Variants in COX7A2 observed in about 807,000 individuals in gnomAD.
The protein encoded by COX7A2 is cytochrome c oxidase subunit 7A2.
Under a neutral mutation model 11.6 loss-of-function variants are expected in COX7A2, and 11 were observed. That is an observed-to-expected ratio of 0.95 (90% confidence interval 0.60 to 1.57). The LOEUF (loss-of-function observed/expected upper bound fraction) is 1.57, where lower values mean the gene tolerates loss of function less well. Among genes scored for constraint, COX7A2 ranks in the 40% most tolerant of loss-of-function variants. COX7A2 has a pLI of 0.00. For synonymous variants in COX7A2, 30 were observed against 38.2 expected, an observed-to-expected ratio of 0.78 and a Z score of 0.79; for missense variants, 106 against 100.9, an observed-to-expected ratio of 1.05 and a Z score of -0.22.
At position 75,243,757 on chromosome 6, in the gene COX7A2, C is replaced by T. The variant is rs1771603433; in HGVS notation, c.-23G>A. 7 of 1,614,060 alleles carry T rather than the reference C, an allele frequency of 4.3e-6. No homozygotes were observed. The highest frequency in any genetic ancestry group is 5.1e-6 in the Non-Finnish European group (6 of 1,179,926). On this transcript the variant is annotated 5_prime_UTR_variant, in exon 1 of 4. Transcript: ENST00000684430. ...CATCTTGGCTGTTACTGACCAGCAA[C>T]CGCCACAACTGAACACCACCAACGA...
chr6:75,240,525 G>A (rs1377291879), intron 2 of COX7A2, 140 bp from the exon 3 acceptor site: 1 of 574,888 alleles, frequency 1.7e-6, no homozygotes, highest in African/African-American at 1.9e-5. Context: ...AAATTTAAAA[G>A]ACCTACAATT....
At chr6:75,243,674 C>T in intron 1 of COX7A2, 43 bp downstream of exon 1, 2 of 1,590,904 alleles carry the variant, frequency 1.3e-6, no homozygotes, top group Non-Finnish European at 8.6e-7. Context: ...CTCCTCTCCA[C>T]TCCCTCGCCC....
upstream of COX7A2, among the ~76,000 whole-genome samples, chr6:75,247,268 C>T: frequency 6.6e-6 from 1 of 151,992 alleles, no homozygotes; most frequent in Non-Finnish European, 1.5e-5. Context: ...GACTTTGATC[C>T]TGCCTATAGA....
At chr6:75,246,400 C>G (rs534850256), upstream of COX7A2, among the ~76,000 whole-genome samples, 9 of 152,220 alleles carry the variant, frequency 5.9e-5, no homozygotes, top group African/African-American at 1.7e-4. Flanking sequence ...TGAATTGAAC[C>G]ACTTCTCATT....
At chr6:75,239,297 A>G (rs1424043316) in intron 3 of COX7A2, among the ~76,000 whole-genome samples, 2 of 152,150 alleles carry the variant, frequency 1.3e-5, no homozygotes, top group Non-Finnish European at 2.9e-5. Flanking sequence ...TAGTGTGGAA[A>G]CTGAACTGGA....
chr6:75,247,552 T>C (rs192385726), upstream of COX7A2, among the ~76,000 whole-genome samples: 1 of 151,512 alleles, frequency 6.6e-6, no homozygotes, highest in Admixed American at 6.6e-5. Flanking sequence ...TAGTTTATTA[T>C]TAAATACTTT....
At chr6:75,242,608 G>A (rs1418266383) in intron 1 of COX7A2, among the ~76,000 whole-genome samples, 1 of 14,882 alleles carries the variant, frequency 6.7e-5, no homozygotes, top group Non-Finnish European at 1.5e-4. Flanking sequence ...GATCACTTGA[G>A]GTCGAGTCCG....
upstream of COX7A2, among the ~76,000 whole-genome samples, chr6:75,246,670 C>T (rs189430563): frequency 6.6e-6 from 1 of 152,320 alleles, no homozygotes; most frequent in East Asian, 1.9e-4. Flanking sequence ...TGAACTGTAT[C>T]CTGCACAAAA....
Position 75,241,202 on chromosome 6 carries a change from C to G in COX7A2, c.82G>C (p.Val28Leu). Residue 28 changes from valine to leucine, a missense_variant, in exon 2 of 4, where the codon GTT (valine) becomes CTT (leucine). Coordinates refer to ENST00000684430, the MANE Select transcript of COX7A2 (RefSeq NM_001366293.2). ...TASRRHFKNK[V>L]PEKQKLFQED... ...TGGAACAGTTTTTGCTTCTCCGGAACTTTATTTTTAAAATGCCTGCGGGAA... is the reference window on the plus strand; with the variant it reads ...TGGAACAGTTTTTGCTTCTCCGGAAGTTTATTTTTAAAATGCCTGCGGGAA... The G allele has an allele frequency of 6.3e-7, 1 of 1,598,334 alleles. No homozygotes were observed.
intron 1 of COX7A2, among the ~76,000 whole-genome samples, chr6:75,248,916 G>T (rs532713787): frequency 6.6e-6 from 1 of 152,286 alleles, no homozygotes; most frequent in African/African-American, 2.4e-5. Flanking sequence ...AACAAAAGTT[G>T]TATGGGAAAT....
intron 1 of COX7A2, among the ~76,000 whole-genome samples, chr6:75,249,515 T>C (rs1337703532): frequency 1.3e-5 from 2 of 152,118 alleles, no homozygotes; most frequent in Non-Finnish European, 2.9e-5. Context: ...TCAGTTTCTC[T>C]TGTCTTTAAA....
rs577039212 is a variant in COX7A2, at chr6:75,249,115, T to G, written c.-44+941A>C. ...TACTAAAAATACAAAAATTAGCCTG[T>G]AGTCCCAGCTACTCGGGAGGCTGAG... On this transcript the variant is annotated intron_variant, in intron 1 of 4. Coordinates refer to the COX7A2 transcript ENST00000370081. Among the ~76,000 whole-genome samples, 16 of 152,252 alleles carry G rather than the reference T, an allele frequency of 1.1e-4. No individual in the cohort carries two copies. In the South Asian group the frequency reaches 3.3e-3, roughly 32 times the overall value.
At chr6:75,245,347 C>A (rs1343988576), upstream of COX7A2, among the ~76,000 whole-genome samples, 2 of 152,062 alleles carry the variant, frequency 1.3e-5, no homozygotes, top group Non-Finnish European at 2.9e-5. Flanking sequence ...AAAAATAAGG[C>A]GGGCGTGGTG....
At position 75,240,368 on chromosome 6, in the gene COX7A2, T is replaced by C; in HGVS notation, c.126A>G (p.Pro42=). 1 of 1,574,274 alleles carries C rather than the reference T, an allele frequency of 6.4e-7. No homozygotes were observed. Among genetic ancestry groups the C allele is most frequent in the African/African-American group, 1.4e-5 (1 of 70,410 alleles). Reference sequence around the variant, plus strand: ...CAGCTACCCCACCCTTTAGATACAGTGGAATTTCATCATCCTCCTAGATTT... The same window carrying C: ...CAGCTACCCCACCCTTTAGATACAGCGGAATTTCATCATCCTCCTAGATTT... ...QKLFQEDDEI[P]LYLKGGVADA... Residue 42 remains proline (P), a synonymous_variant, in exon 3 of 4, where the codon CCA becomes CCG. Coordinates refer to ENST00000684430, the MANE Select transcript of COX7A2 (RefSeq NM_001366293.2).
At chr6:75,243,181 G>C (rs1212407607) in intron 1 of COX7A2, among the ~76,000 whole-genome samples, 1 of 152,144 alleles carries the variant, frequency 6.6e-6, no homozygotes, top group Non-Finnish European at 1.5e-5. Context: ...TCGATGGAGG[G>C]GTGAAGGACA....
At chr6:75,239,583 T>C (rs769081068) in intron 3 of COX7A2, among the ~76,000 whole-genome samples, 1 of 152,230 alleles carries the variant, frequency 6.6e-6, no homozygotes, top group African/African-American at 2.4e-5. Context: ...GAAGTATTGT[T>C]CTGTACAAAT....
At position 75,243,713 on chromosome 6, in the gene COX7A2, T is replaced by G. The variant is rs1479556465; in HGVS notation, c.18+4A>C. 6.2e-7 allele frequency: 1 copy of G among 1,613,420 alleles called. No homozygotes were observed. The highest frequency in any genetic ancestry group is 1.1e-5 in the South Asian group (1 of 91,028). ...TCATGAATGCAAGATGAGAAGCTCC[T>G]CACCAGCAGATTCCGCAGCATCTTG... On this transcript the variant is annotated splice_donor_region_variant and intron_variant, in intron 1 of 3. Coordinates refer to ENST00000684430, the MANE Select transcript of COX7A2 (RefSeq NM_001366293.2).
At chr6:75,245,953 G>A (rs960504540), upstream of COX7A2, among the ~76,000 whole-genome samples, 2 of 152,174 alleles carry the variant, frequency 1.3e-5, no homozygotes, top group Admixed American at 1.3e-4. Flanking sequence ...CTCCTTCGGT[G>A]GTTCTCCTAT....
chr6:75,240,184 T>A, intron 3 of COX7A2, 117 bp downstream of exon 3: 1 of 733,766 alleles, frequency 1.4e-6, no homozygotes, highest in Non-Finnish European at 2.3e-6. Context: ...TAGTAAGATA[T>A]CAAATTCTGG....
Sources: gnomAD v4.1 joint callset for allele counts (sites outside exome capture counted in the v4.1 genomes callset) on GRCh38, gnomAD v4.1.1 for gene constraint, MANE v1.5 for transcripts, NCBI Gene and HGNC (gene_info 2026-07-23, HGNC 2026-07-21) for gene names.